Variants in TMEM132C observed in about 807,000 individuals in gnomAD.
TMEM132C encodes the protein transmembrane protein 132C, also known as protein phosphatase 1, regulatory subunit 152.
Under a neutral mutation model 61.4 loss-of-function variants are expected in TMEM132C, and 29 were observed. The ratio of observed to expected loss-of-function variants is 0.47; its 90% CI spans 0.35 to 0.64. The LOEUF is 0.64. TMEM132C is among the 30% of genes least tolerant of loss of function. TMEM132C has a pLI of 0.00. For missense variants in TMEM132C, 1,408 were observed against 1,476.9 expected, an observed-to-expected ratio of 0.95 and a Z score of 0.76; for synonymous variants, 656 against 633.1, an observed-to-expected ratio of 1.04 and a Z score of -0.54.
intron 1 of TMEM132C, among the ~76,000 whole-genome samples, chr12:128,275,198 G>A (rs1184770826): frequency 6.6e-6 from 1 of 152,152 alleles, no homozygotes; most frequent in African/African-American, 2.4e-5. Context: ...ACTGGTCCGT[G>A]GCCTATTAGG....
At chr12:128,494,245 G>A (rs372263302) in intron 2 of TMEM132C, among the ~76,000 whole-genome samples, 44 of 152,184 alleles carry the variant, frequency 2.9e-4, no homozygotes, top group African/African-American at 4.8e-4. Flanking sequence ...TGCTGGATTC[G>A]GTTTGCCAGT....
rs1260000780 is a variant in TMEM132C at position 128,622,355 on chromosome 12, AAAAAAATATATATAT to A, written c.1305+6022_1305+6036del. Among the ~76,000 whole-genome samples, 38 of 62,790 alleles carry A rather than the reference AAAAAAATATATATAT, an allele frequency of 6.1e-4. 1 individual carries two copies. The highest frequency in any genetic ancestry group is 8.2e-4 in the Non-Finnish European group (29 of 35,360). The allele number at this position is 62,790 out of a possible 152,430, so 41.2% of individuals were successfully genotyped here. A position where few individuals can be genotyped will look rare whatever the true frequency, so the allele number is the denominator to read the frequency against. Reference sequence around the variant, plus strand: ...TGAGACTTTGTCTCAAAAAAAAAAAAAAAAAATATATATATATATATATATATATATATATATATA... The same window carrying A: ...TGAGACTTTGTCTCAAAAAAAAAAAAATATATATATATATATATATATATA... On this transcript the variant is annotated intron_variant, in intron 4 of 8. Transcript: ENST00000435159.
In TMEM132C at chr12:128,697,384, C is replaced by T. The variant is rs1386470609; in HGVS notation, c.2090C>T (p.Thr697Ile). The T allele has an allele frequency of 1.3e-6, 2 of 1,546,954 alleles. No homozygotes were observed. The highest frequency in any genetic ancestry group is 1.7e-6 in the Non-Finnish European group (2 of 1,143,390). ...ENSKAVTAVVTAEEVLRTPKQ... is the reference protein window; with the variant it reads ...ENSKAVTAVVIAEEVLRTPKQ... ...AGCAAGGCCGTAACAGCTGTGGTCA[C>T]AGCTGAGGAGGTGCTGCGGACCCCC... Residue 697 changes from threonine to isoleucine, a missense_variant, in exon 8 of 9, where the codon ACA becomes ATA. By Grantham distance (89) the Thr-to-Ile change is moderately conservative. Coordinates refer to ENST00000435159, the MANE Select transcript of TMEM132C (RefSeq NM_001136103.3).
intron 2 of TMEM132C, among the ~76,000 whole-genome samples, chr12:128,467,166 C>T (rs1401494204): frequency 6.6e-6 from 1 of 152,136 alleles, no homozygotes; most frequent in Non-Finnish European, 1.5e-5. Flanking sequence ...ATAGAAAATC[C>T]TCCTTCTGAA....
intron 5 of TMEM132C, among the ~76,000 whole-genome samples, chr12:128,691,107 T>C (rs764634517): frequency 1.2e-4 from 18 of 152,372 alleles, no homozygotes; most frequent in Admixed American, 6.5e-4. Context: ...TAGCTTAGTA[T>C]GCTAAGTGCT....
intron 5 of TMEM132C, among the ~76,000 whole-genome samples, chr12:128,676,540 T>C (rs994783582): frequency 6.6e-6 from 1 of 152,234 alleles, no homozygotes; most frequent in East Asian, 1.9e-4. Context: ...AGAGAATCAT[T>C]GTAAACATTT....
intron 4 of TMEM132C, among the ~76,000 whole-genome samples, chr12:128,643,544 A>C (rs527708577): frequency 2.9e-4 from 44 of 152,098 alleles, no homozygotes; most frequent in Non-Finnish European, 4.4e-4. Flanking sequence ...ACACACGTCC[A>C]TTTGGGGCCC....
intron 1 of TMEM132C, among the ~76,000 whole-genome samples, chr12:128,381,695 G>C (rs1190379550): frequency 2.6e-5 from 4 of 152,190 alleles, no homozygotes; most frequent in Non-Finnish European, 5.9e-5. Context: ...AGCTGTCCCA[G>C]CTGGGAGGCT....
chr12:128,517,146 G>T (rs1428577727), intron 2 of TMEM132C, among the ~76,000 whole-genome samples: 2 of 151,668 alleles, frequency 1.3e-5, no homozygotes, highest in Non-Finnish European at 2.9e-5. Context: ...CAGGAGAATC[G>T]CTTGAACCCA....
chr12:128,588,942 C>T (rs1465120391), intron 3 of TMEM132C, among the ~76,000 whole-genome samples: 1 of 152,208 alleles, frequency 6.6e-6, no homozygotes, highest in Non-Finnish European at 1.5e-5. Flanking sequence ...AAACTCATGA[C>T]ACCGTGCAAT....
Position 128,356,679 on chromosome 12 carries a change from G to A in TMEM132C, c.86-58053G>A, listed in dbSNP as rs115469732. Among the ~76,000 whole-genome samples the A allele has an allele frequency of 8.8e-3, 1,346 of 152,292 alleles. 26 individuals carry two copies. The highest frequency in any genetic ancestry group is 0.031 in the African/African-American group (1,276 of 41,548). On this transcript the variant is annotated intron_variant, in intron 1 of 8. Transcript: ENST00000435159. ...GCTTTCATGGGAAAATCAGTTTGCT[G>A]CTGACCAACCCGTACTTCTAGAGCA...
At chr12:128,609,953 A>G (rs1876575209) in intron 3 of TMEM132C, among the ~76,000 whole-genome samples, 1 of 152,160 alleles carries the variant, frequency 6.6e-6, no homozygotes, top group Admixed American at 6.5e-5. Context: ...TCAGCCTGGT[A>G]ATTTTGAGGC....
intron 3 of TMEM132C, among the ~76,000 whole-genome samples, chr12:128,564,308 C>T (rs1236218352): frequency 6.6e-6 from 1 of 152,202 alleles, no homozygotes; most frequent in Non-Finnish European, 1.5e-5. Flanking sequence ...CGGGTCACAA[C>T]ACCTTTGTGT....
At chr12:128,355,214 G>A (rs1219812377) in intron 1 of TMEM132C, among the ~76,000 whole-genome samples, 1 of 152,120 alleles carries the variant, frequency 6.6e-6, no homozygotes, top group Non-Finnish European at 1.5e-5. Flanking sequence ...GGGGCACTGG[G>A]GGACACCAAG....
At chr12:128,701,164 A>G (rs779977767) in intron 8 of TMEM132C, among the ~76,000 whole-genome samples, 3 of 151,998 alleles carry the variant, frequency 2.0e-5, no homozygotes, top group African/African-American at 7.3e-5. Flanking sequence ...CACAGCATTT[A>G]TTAACTCCTT....
At chr12:128,684,942 G>A (rs1038081494) in intron 5 of TMEM132C, among the ~76,000 whole-genome samples, 1 of 152,212 alleles carries the variant, frequency 6.6e-6, no homozygotes, top group African/African-American at 2.4e-5. Context: ...GATGCCAGAT[G>A]TTCTCTGGGG....
chr12:128,578,313 C>T (rs753132640), intron 3 of TMEM132C, among the ~76,000 whole-genome samples: 1 of 152,196 alleles, frequency 6.6e-6, no homozygotes, highest in Non-Finnish European at 1.5e-5. Flanking sequence ...CCCCACCTCC[C>T]ACACTGGTCG....
At chr12:128,311,022 A>G (rs1473649031) in intron 1 of TMEM132C, among the ~76,000 whole-genome samples, 3 of 152,192 alleles carry the variant, frequency 2.0e-5, no homozygotes, top group Non-Finnish European at 4.4e-5. Context: ...ATCTATCAAT[A>G]TAAAAAATAA....
intron 3 of TMEM132C, among the ~76,000 whole-genome samples, chr12:128,567,945 C>T (rs987022265): frequency 2.6e-5 from 4 of 152,190 alleles, no homozygotes; most frequent in Non-Finnish European, 4.4e-5. Context: ...ATCTCAGCCA[C>T]GTGGCCTAGA....
Sources: allele counts gnomAD v4.1 joint callset (sites outside exome capture counted in the v4.1 genomes callset), GRCh38; gene constraint gnomAD v4.1.1; transcripts MANE v1.5; gene names NCBI Gene and HGNC (gene_info 2026-07-23, HGNC 2026-07-21).